PEX1: variants seen among roughly 807,000 people sequenced by gnomAD.
PEX1 encodes peroxisomal biogenesis factor 1, also known as peroxisomal ATPase PEX1.
A neutral mutation model predicts 152.5 loss-of-function variants in PEX1; 97 were observed. That is an observed-to-expected ratio of 0.64 (90% CI 0.54 to 0.75). The LOEUF (loss-of-function observed/expected upper bound fraction) is 0.75. Among genes scored for constraint, PEX1 ranks in the 30% least tolerant of loss-of-function variants. The pLI is 0.00. For missense variants in PEX1, 1,357 were observed against 1,516.3 expected (o/e 0.89, Z 1.74); for synonymous variants, 485 against 531.6 (o/e 0.91, Z 1.21).
In PEX1 at chr7:92,501,621, A is replaced by C. The variant is rs1562853565; in HGVS notation, c.2469T>G (p.Pro823=). Residue 823 remains proline, a synonymous_variant, in exon 15 of 24, where the codon CCT becomes CCG. Coordinates refer to ENST00000248633, the MANE Select transcript of PEX1 (RefSeq NM_000466.3). ...DFQKALRGFL[P]ASLRSVNLHK... is the part of the protein sequence containing the mutation. ...GCAGGTTGACACTTCGCAAAGACGC[A>C]GGAAGAAATCCGCGGAGAGCCTTTT... The C allele has an allele frequency of 6.2e-7, 1 of 1,614,036 alleles. No individual in the cohort carries two copies. The highest frequency in any genetic ancestry group is 8.5e-7 in the Non-Finnish European group (1 of 1,179,872).
In PEX1 at chr7:92,489,859, A is replaced by C; in HGVS notation, c.3491T>G (p.Val1164Gly). 3 of 1,614,094 alleles carry C rather than the reference A, an allele frequency of 1.9e-6. 1 individual carries two copies. The change falls in exon 22 of 24, where the codon GTT (valine) becomes GGT (glycine). Residue 1164 changes from valine to glycine, a missense_variant. Transcript: ENST00000248633. ...PSSMTQDLPG[V>G]PGKDQLFSQP... ...TGAAAACAACTGGTCTTTCCCAGGA[A>C]CTCCAGGCAAATCCTGAGTCATGGA...
chr7:92,501,766 T>G, intron 14 of PEX1, 93 bp from the exon 15 acceptor site: 1 of 1,366,342 alleles, frequency 7.3e-7, no homozygotes, highest in East Asian at 2.3e-5. Flanking sequence ...ACACTAATTT[T>G]CTACTCAAAT....
chr7:92,489,174 G>T (rs1791122690), intron 23 of PEX1, 119 bp downstream of exon 23: 1 of 944,280 alleles, frequency 1.1e-6, no homozygotes, highest in Non-Finnish European at 1.6e-6. Flanking sequence ...CATATTTTTT[G>T]AATTAGCTTT....
At position 92,494,281 on chromosome 7, in the gene PEX1, T is replaced by C. The variant is rs1163936793; in HGVS notation, c.3030+12A>G. ...TTTGTTGGGTTTTGGACTCTAAATATGAAATTGTCACCTGATCAGGAGGAG... is the reference window on the plus strand; with the variant it reads ...TTTGTTGGGTTTTGGACTCTAAATACGAAATTGTCACCTGATCAGGAGGAG... On this transcript the variant is annotated intron_variant, in intron 19 of 23. Transcript: ENST00000248633. 6.3e-6 allele frequency: 10 copies of C among 1,594,542 alleles called. No individual in the cohort carries two copies. The highest frequency in any genetic ancestry group is 8.6e-6 in the Non-Finnish European group (10 of 1,163,312).
At chr7:92,527,147 G>T (rs189103088) in intron 1 of PEX1, among the ~76,000 whole-genome samples, 4 of 152,258 alleles carry the variant, frequency 2.6e-5, no homozygotes, top group Non-Finnish European at 5.9e-5. Context: ...CTTCCCGAAG[G>T]CTCAAAATTT....
At chr7:92,514,309 A>G (rs1442868122) in intron 5 of PEX1, among the ~76,000 whole-genome samples, 1 of 152,206 alleles carries the variant, frequency 6.6e-6, no homozygotes, top group Non-Finnish European at 1.5e-5. Context: ...GAATTTGAGG[A>G]GGACAAAACA....
rs376273608 is a variant in PEX1, at chr7:92,501,634, C to T, written c.2456G>A (p.Arg819His). 18 of 1,613,910 alleles carry T rather than the reference C, an allele frequency of 1.1e-5. No individual in the cohort carries two copies. In the South Asian group the frequency reaches 1.3e-4, roughly 12 times the overall value. The change falls in exon 15 of 24, where the codon CGC becomes CAC. Residue 819 changes from arginine (R) to histidine (H), a missense_variant. Transcript: ENST00000248633. The part of the protein sequence containing the change: ...LTTLDFQKAL[R>H]GFLPASLRSV... Reference sequence around the variant, plus strand: ...TCGCAAAGACGCAGGAAGAAATCCGCGGAGAGCCTTTTGGAAGTCCAATGT... The same window carrying T: ...TCGCAAAGACGCAGGAAGAAATCCGTGGAGAGCCTTTTGGAAGTCCAATGT...
At chr7:92,496,828 A>C (rs1201544866) in intron 16 of PEX1, 51 bp from the exon 17 acceptor site, 2 of 1,246,368 alleles carry the variant, frequency 1.6e-6, no homozygotes, top group Non-Finnish European at 2.4e-6. Flanking sequence ...AGAAAATATA[A>C]ATTTGGTTTC....
At chr7:92,504,336 TCATACA>T (rs1173579821) in intron 12 of PEX1, among the ~76,000 whole-genome samples, 2 of 152,156 alleles carry the variant, frequency 1.3e-5, no homozygotes, top group Admixed American at 6.5e-5. Flanking sequence ...GGCTGGCTAC[TCATACA>T]CAGTAGCCAT....
intron 23 of PEX1, among the ~76,000 whole-genome samples, chr7:92,488,466 C>T (rs1361148321): frequency 6.6e-6 from 1 of 152,102 alleles, no homozygotes; most frequent in Non-Finnish European, 1.5e-5. Flanking sequence ...AATCATTGAC[C>T]TAGAATGGTT....
chr7:92,497,947 A>G (rs1297004310), intron 16 of PEX1, among the ~76,000 whole-genome samples: 1 of 151,564 alleles, frequency 6.6e-6, no homozygotes, highest in Non-Finnish European at 1.5e-5. Context: ...AGGCGCCTGT[A>G]ATCCCAGCTA....
At chr7:92,528,167 GC>G (rs1562873220) in intron 1 of PEX1, 139 bp downstream of exon 1, 1 of 1,067,294 alleles carries the variant, frequency 9.4e-7, no homozygotes, top group East Asian at 2.6e-5. Context: ...ACCCAGAAGG[GC>G]CCTGCCGTCG....
chr7:92,524,235 G>C (rs972603930), intron 1 of PEX1, among the ~76,000 whole-genome samples: 1 of 150,664 alleles, frequency 6.6e-6, no homozygotes, highest in Non-Finnish European at 1.5e-5. Flanking sequence ...TTACAGGCAT[G>C]AGCCAACATG....
chr7:92,507,344 T>A, intron 9 of PEX1: 1 of 458,536 alleles, frequency 2.2e-6, no homozygotes, highest in South Asian at 2.4e-5. Flanking sequence ...GCAAAGGTGA[T>A]CCTCCTGCCT....
At chr7:92,515,196 C>A (rs1792684232) in intron 5 of PEX1, among the ~76,000 whole-genome samples, 1 of 143,258 alleles carries the variant, frequency 7.0e-6, no homozygotes, top group African/African-American at 2.9e-5. Flanking sequence ...GACGACTTTA[C>A]TCTCTATTAA....
chr7:92,525,841 A>G (rs1585265225), intron 1 of PEX1, among the ~76,000 whole-genome samples: 2 of 152,356 alleles, frequency 1.3e-5, no homozygotes, highest in South Asian at 2.1e-4. Context: ...AACACAACAG[A>G]GAAGTATTGA....
At chr7:92,519,574 T>C (rs1383518554) in intron 2 of PEX1, among the ~76,000 whole-genome samples, 1 of 152,126 alleles carries the variant, frequency 6.6e-6, no homozygotes, top group Non-Finnish European at 1.5e-5. Context: ...GTAAAAAATA[T>C]AAGAAGAAAT....
Position 92,504,742 on chromosome 7 carries a change from C to T in PEX1, c.2061G>A (p.Arg687=). 1.2e-6 allele frequency: 2 copies of T among 1,614,060 alleles called. No individual in the cohort carries two copies. The highest frequency in any genetic ancestry group is 1.7e-6 in the Non-Finnish European group (2 of 1,179,992). ...EHSPDAVQSQ[R]LAHALNDMIK... The stretch of plus-strand genomic sequence containing the variant: ...GGTGGATGCATTTACCATGAGCAAG[C>T]CGCTGGCTCTGCACCGCATCAGGAC... Residue 687 remains arginine (R), a synonymous_variant, in exon 12 of 24, where the codon CGG becomes CGA. Coordinates refer to ENST00000248633, the MANE Select transcript of PEX1 (RefSeq NM_000466.3).
chr7:92,492,897 A>G (rs1791417489), intron 20 of PEX1, 56 bp downstream of exon 20: 3 of 1,344,798 alleles, frequency 2.2e-6, no homozygotes, highest in Admixed American at 3.4e-5. Context: ...AAATTTTGAC[A>G]TTGTACTTCT....
Sources: gnomAD v4.1 joint callset for allele counts (sites outside exome capture counted in the v4.1 genomes callset) on GRCh38, gnomAD v4.1.1 for gene constraint, MANE v1.5 for transcripts, NCBI Gene and HGNC (gene_info 2026-07-23, HGNC 2026-07-21) for gene names.